The following KLHL13 variants were observed in gnomAD, a reference collection of about 807,000 sequenced individuals.
KLHL13 encodes the protein kelch-like protein 13.
A neutral mutation model predicts 37.1 loss-of-function variants in KLHL13; 10 were observed. The ratio of observed to expected loss-of-function variants is 0.27; its 90% CI spans 0.17 to 0.46. KLHL13 has a LOEUF of 0.46. Among genes scored for constraint, KLHL13 ranks in the 20% least tolerant of loss-of-function variants. The probability of loss-of-function intolerance (pLI) is 1.00; values close to 1 mark genes in which losing one functional copy is unlikely to be tolerated. For synonymous variants in KLHL13, 163 were observed against 181.2 expected, an observed-to-expected ratio of 0.90 and a Z score of 0.81; for missense variants, 360 against 509.3, an observed-to-expected ratio of 0.71 and a Z score of 2.82.
intron 1 of KLHL13, among the ~76,000 whole-genome samples, chrX:118,040,345 C>A (rs1043715066): frequency 9.0e-6 from 1 of 111,009 alleles, no homozygotes; most frequent in East Asian, 2.8e-4. Context: ...TTTTGATGAA[C>A]CTCAATGAAA....
chrX:118,110,790 AC>A (rs1457682577), intron 1 of KLHL13, among the ~76,000 whole-genome samples: 1 of 111,332 alleles, frequency 9.0e-6, no homozygotes, highest in Non-Finnish European at 1.9e-5. Context: ...TGAATTTCTT[AC>A]CCCCACCCCC....
At chrX:118,050,147 A>G (rs1008724280) in intron 1 of KLHL13, among the ~76,000 whole-genome samples, 14 of 111,486 alleles carry the variant, frequency 1.3e-4, no homozygotes, top group African/African-American at 4.6e-4. Flanking sequence ...CGGCCTCCCA[A>G]AGTGTTGGGA....
At chrX:117,914,275 A>G (rs961069004) in intron 4 of KLHL13, 3 of 107,845 alleles carry the variant, frequency 2.8e-5, no homozygotes, top group Non-Finnish European at 5.7e-5. Context: ...AGTCAAAGTG[A>G]AGAAGGAACA....
At chrX:118,018,418 C>G (rs73597422) in intron 1 of KLHL13, among the ~76,000 whole-genome samples, 3,004 of 111,499 alleles carry the variant, frequency 0.027, 98 homozygotes, top group African/African-American at 0.092. Flanking sequence ...ATAAACAGAA[C>G]AAATATAGAT....
chrX:117,972,943 A>G (rs1310087639), exon 1 of KLHL13: 10 of 1,100,638 alleles, frequency 9.1e-6, no homozygotes, highest in Admixed American at 3.4e-5. Context: ...AGAACAAGCA[A>G]AGGATTCTGC....
intron 1 of KLHL13, among the ~76,000 whole-genome samples, chrX:118,069,911 G>A (rs2054839573): frequency 8.9e-6 from 1 of 112,155 alleles, no homozygotes; most frequent in Non-Finnish European, 1.9e-5. Context: ...AGTCCTGCAA[G>A]CTCCATTCAT....
At chrX:118,101,283 G>C (rs192676336) in intron 1 of KLHL13, among the ~76,000 whole-genome samples, 1 of 111,601 alleles carries the variant, frequency 9.0e-6, no homozygotes, top group African/African-American at 3.3e-5. Context: ...CTTAATCAAG[G>C]AGTCATAATT....
chrX:117,958,947 G>A (rs2053246285), intron 1 of KLHL13, among the ~76,000 whole-genome samples: 1 of 111,175 alleles, frequency 9.0e-6, no homozygotes, highest in African/African-American at 3.3e-5. Context: ...ATTTTAAAGG[G>A]TTATTTGTTC....
intron 1 of KLHL13, among the ~76,000 whole-genome samples, chrX:118,071,947 A>G (rs1279011415): frequency 1.1e-3 from 125 of 110,708 alleles, no homozygotes; most frequent in Non-Finnish European, 2.2e-3. Flanking sequence ...TCAAGCTACC[A>G]ATGACTTTCT....
chrX:118,116,974 T>A (rs1379565530), upstream of KLHL13: 1 of 110,013 alleles, frequency 9.1e-6, no homozygotes, highest in Non-Finnish European at 1.9e-5. Context: ...GTGTGTGGGG[T>A]CCGAACGGAA....
intron 1 of KLHL13, chrX:117,972,626 T>C (rs2053542494): frequency 1.7e-6 from 1 of 582,757 alleles, no homozygotes. Flanking sequence ...TTTAATCCTG[T>C]AGGTTTTTGG....
Position 117,923,920 on chromosome X carries a change from G to T in KLHL13, c.241-3550C>A, listed in dbSNP as rs369007648. Among the ~76,000 whole-genome samples, 127 of 111,792 alleles carry T rather than the reference G, an allele frequency of 1.1e-3. 1 individual carries two copies. In the South Asian group the frequency reaches 0.045, roughly 40 times the overall value. On this transcript the variant is annotated intron_variant, in intron 2 of 6. Coordinates refer to ENST00000262820, the Ensembl canonical transcript of KLHL13. ...GTGTCCCAAAAGAAAAGAAGTTAAG[G>T]CACCTAGAGCATTTTTAACAAATTC...
intron 1 of KLHL13, among the ~76,000 whole-genome samples, chrX:118,010,152 C>A (rs1602646711): frequency 1.0e-5 from 1 of 99,340 alleles, no homozygotes; most frequent in Admixed American, 1.1e-4. Context: ...GGACTGTAAA[C>A]TAGTTCAACC....
chrX:117,989,712 T>C (rs992286439), intron 1 of KLHL13, among the ~76,000 whole-genome samples: 2 of 111,320 alleles, frequency 1.8e-5, no homozygotes, highest in African/African-American at 6.5e-5. Context: ...TGACTTCACA[T>C]CTGATTCCAC....
At chrX:117,911,616 T>C (rs1049866988) in intron 4 of KLHL13, among the ~76,000 whole-genome samples, 12 of 111,816 alleles carry the variant, frequency 1.1e-4, no homozygotes, top group Middle Eastern at 9.2e-3. Context: ...GTTCTCATTG[T>C]TCAACTCCCA....
chrX:118,031,677 T>C (rs1300417049), intron 1 of KLHL13, among the ~76,000 whole-genome samples: 1 of 102,062 alleles, frequency 9.8e-6, no homozygotes, highest in East Asian at 3.0e-4. Flanking sequence ...TATATATAAC[T>C]AAAATTTTTA....
chrX:117,909,201 CT>C, intron 5 of KLHL13, 99 bp downstream of exon 6: 1 of 720,660 alleles, frequency 1.4e-6, no homozygotes, highest in South Asian at 3.2e-5. Flanking sequence ...AAAACCCTAA[CT>C]ACATTTTTAT....
chrX:118,031,762 T>C (rs1049902058), intron 1 of KLHL13, among the ~76,000 whole-genome samples: 15 of 106,361 alleles, frequency 1.4e-4, no homozygotes, highest in Middle Eastern at 4.3e-3. Flanking sequence ...TAGGAACAGC[T>C]CCGGTCTACA....
chrX:118,029,409 C>A (rs1247630638), intron 1 of KLHL13, among the ~76,000 whole-genome samples: 1 of 111,602 alleles, frequency 9.0e-6, no homozygotes, highest in African/African-American at 3.3e-5. Context: ...TTTTCTTGGC[C>A]TGCACTGAAT....
Sources: gnomAD v4.1 joint callset for allele counts (sites outside exome capture counted in the v4.1 genomes callset) on GRCh38, gnomAD v4.1.1 for gene constraint, MANE v1.5 for transcripts, NCBI Gene and HGNC (gene_info 2026-07-23, HGNC 2026-07-21) for gene names.